The following PRKN variants were observed in gnomAD, a reference collection of about 807,000 sequenced individuals.
PRKN encodes the protein parkin RBR E3 ubiquitin protein ligase.
A neutral mutation model predicts 59.5 loss-of-function variants in PRKN; 56 were observed. The observed-to-expected ratio is 0.94, with a 90% confidence interval of 0.76 to 1.18. The LOEUF is 1.18. Among genes scored for constraint, PRKN ranks in the 50% most tolerant of loss-of-function variants. PRKN has a pLI of 0.00. For synonymous variants in PRKN, 250 were observed against 222.1 expected, an observed-to-expected ratio of 1.13 and a Z score of -1.12; for missense variants, 657 against 596.4, an observed-to-expected ratio of 1.10 and a Z score of -1.06.
In PRKN at chr6:161,472,568, C is replaced by A. The variant is rs140698630; in HGVS notation, c.1083+76286G>T. ...AAATCATAACATTCCTAGTAGAAAA[C>A]ACAGGGAAACCCCATCGCCTTGGCA... On this transcript the variant is annotated intron_variant, in intron 9 of 11. Transcript: ENST00000366898. Among the ~76,000 whole-genome samples, 830 of 152,106 alleles carry A rather than the reference C, an allele frequency of 5.5e-3. 11 individuals carry two copies. The highest frequency in any genetic ancestry group is 0.019 in the African/African-American group (791 of 41,512).
At chr6:162,025,644 A>G (rs1185315551) in intron 5 of PRKN, among the ~76,000 whole-genome samples, 1 of 120,248 alleles carries the variant, frequency 8.3e-6, no homozygotes, top group Non-Finnish European at 1.6e-5. Context: ...GCTGGAGTAC[A>G]GTGCCACGAT....
At chr6:162,254,176 C>T (rs192649165) in intron 3 of PRKN, among the ~76,000 whole-genome samples, 15 of 152,126 alleles carry the variant, frequency 9.9e-5, no homozygotes, top group Admixed American at 2.6e-4. Context: ...TCCAAAAAGA[C>T]GGGCTGGGCA....
At chr6:162,279,147 A>G (rs1267154480) in intron 2 of PRKN, among the ~76,000 whole-genome samples, 1 of 151,906 alleles carries the variant, frequency 6.6e-6, no homozygotes. Flanking sequence ...CCTGGCCAAC[A>G]TGGTGAAACC....
intron 2 of PRKN, among the ~76,000 whole-genome samples, chr6:162,339,060 C>A (rs371349881): frequency 1.4e-5 from 2 of 139,410 alleles, no homozygotes; most frequent in Admixed American, 6.9e-5. Context: ...GCCCGGCAGC[C>A]GCCCCGTCTG....
At chr6:161,832,179 C>T (rs1792526562) in intron 6 of PRKN, among the ~76,000 whole-genome samples, 1 of 152,170 alleles carries the variant, frequency 6.6e-6, no homozygotes. Context: ...AAGAGAAATG[C>T]AAATGTATAT....
At position 161,499,949 on chromosome 6, in the gene PRKN, G is replaced by A. The variant is rs183507361; in HGVS notation, c.1083+48905C>T. ...TTACAGATAAACTGAACACCAAGTT[G>A]TCTTCTGAATGCTGCCCTCACTCTC... On this transcript the variant is annotated intron_variant, in intron 9 of 11. Transcript: ENST00000366898. This position sits in a 1 kb window ranked among gnomAD's most constrained non-coding sequence, Gnocchi z 4.2. Among the ~76,000 whole-genome samples, 635 of 152,282 alleles carry A rather than the reference G, an allele frequency of 4.2e-3. 5 individuals carry two copies. Among genetic ancestry groups the A allele is most frequent in the Non-Finnish European group, 5.7e-3 (388 of 68,020 alleles).
chr6:162,084,078 G>A (rs1779162974), intron 4 of PRKN, among the ~76,000 whole-genome samples: 1 of 151,972 alleles, frequency 6.6e-6, no homozygotes, highest in Non-Finnish European at 1.5e-5. Flanking sequence ...TGTTGATTTA[G>A]TTTTTGACAG....
chr6:161,713,958 T>C (rs967252834), intron 7 of PRKN, among the ~76,000 whole-genome samples: 7 of 152,152 alleles, frequency 4.6e-5, no homozygotes, highest in Non-Finnish European at 7.4e-5. Flanking sequence ...CCATGAAAGA[T>C]ATGTCTTTGC....
intron 1 of PRKN, among the ~76,000 whole-genome samples, chr6:162,681,621 C>T (rs1779770875): frequency 6.6e-6 from 1 of 152,142 alleles, no homozygotes; most frequent in Admixed American, 6.5e-5. Context: ...TGGGCCAAGC[C>T]TTCATTTGCA....
intron 7 of PRKN, among the ~76,000 whole-genome samples, chr6:161,638,193 C>T (rs1783599436): frequency 6.6e-6 from 1 of 151,842 alleles, no homozygotes; most frequent in Non-Finnish European, 1.5e-5. Flanking sequence ...AGTGCAGTGG[C>T]ACGATCTCAG....
chr6:161,565,470 G>T (rs117854466), intron 8 of PRKN, among the ~76,000 whole-genome samples: 2,184 of 152,236 alleles, frequency 0.014, 34 homozygotes, highest in Non-Finnish European at 0.023. Flanking sequence ...GAAGTGATTG[G>T]ATCATGGGGA....
intron 4 of PRKN, among the ~76,000 whole-genome samples, chr6:162,070,812 C>T (rs1428856879): frequency 1.3e-5 from 2 of 152,210 alleles, no homozygotes; most frequent in Non-Finnish European, 2.9e-5. Context: ...AGGTGGAGCT[C>T]GGGCTGTAAT....
At chr6:162,108,775 C>T (rs62436047) in intron 4 of PRKN, among the ~76,000 whole-genome samples, 1,560 of 152,204 alleles carry the variant, frequency 0.01, 14 homozygotes, top group Middle Eastern at 0.031. Flanking sequence ...TAGGATGGTG[C>T]TGAGTAGGAC....
Position 161,409,863 on chromosome 6 carries a change from T to C in PRKN, c.1084-22986A>G, listed in dbSNP as rs764578495. On this transcript the variant is annotated intron_variant, in intron 9 of 11. Transcript: ENST00000366898. This position sits in a 1 kb window ranked among gnomAD's most constrained non-coding sequence, Gnocchi z 4.6. Reference sequence around the variant, plus strand: ...GATCAATAGAACTGTGATGTATCTATATAAATCTGAGTAGCAGATCCATTC... The same window carrying C: ...GATCAATAGAACTGTGATGTATCTACATAAATCTGAGTAGCAGATCCATTC... 1.3e-5 allele frequency among the ~76,000 whole-genome samples: 2 copies of C among 152,308 alleles called. No individual in the cohort carries two copies. The highest frequency in any genetic ancestry group is 3.9e-4 in the East Asian group (2 of 5,178).
chr6:161,730,141 G>GATTCTTTCTGATGTGTTGC (rs1431002622), intron 7 of PRKN, among the ~76,000 whole-genome samples: 4 of 145,664 alleles, frequency 2.7e-5, no homozygotes, highest in Non-Finnish European at 4.5e-5. Flanking sequence ...TGATGTGTTG[G>GATTCTTTCTGATGTGTTGC]ATTCTTTCTG....
At chr6:162,028,435 G>T (rs1239279547) in intron 5 of PRKN, among the ~76,000 whole-genome samples, 1 of 152,200 alleles carries the variant, frequency 6.6e-6, no homozygotes, top group Non-Finnish European at 1.5e-5. Context: ...AGCTGCAGGT[G>T]CATCTTTGCT....
rs191287894 is a variant in PRKN at position 161,872,161 on chromosome 6, G to C, written c.735-86253C>G. Among the ~76,000 whole-genome samples the C allele has an allele frequency of 3.3e-5, 5 of 152,222 alleles. No homozygotes were observed. The East Asian group carries it at 5.8e-4, about 18-fold the overall frequency. The stretch of plus-strand genomic sequence containing the variant: ...GCGATAAGATGCTATGGAAGGGTAA[G>C]TGCATGAGGAACTACACAGCAGGAT... On this transcript the variant is annotated intron_variant, in intron 6 of 11. Transcript: ENST00000366898.
chr6:161,496,461 G>A (rs1035514061), intron 9 of PRKN, among the ~76,000 whole-genome samples: 4 of 152,218 alleles, frequency 2.6e-5, no homozygotes, highest in Non-Finnish European at 4.4e-5. Flanking sequence ...CACATGGCTG[G>A]GGAGGCCTCA....
chr6:161,985,044 C>G lies in PRKN; in HGVS notation c.619-11627G>C, dbSNP rs80057069. 3.9e-5 allele frequency among the ~76,000 whole-genome samples: 6 copies of G among 152,210 alleles called. No homozygotes were observed. The South Asian group carries it at 1.0e-3, about 26-fold the overall frequency. ...ACTAGTGGCTCTGGTGTGGTACCAG[C>G]TTCCCCTGCATTTCTCTCCCAATTC... On this transcript the variant is annotated intron_variant, in intron 5 of 11. Coordinates refer to ENST00000366898, the MANE Select transcript of PRKN (RefSeq NM_004562.3).
Sources: gnomAD v4.1 joint callset for allele counts (sites outside exome capture counted in the v4.1 genomes callset) on GRCh38, gnomAD v4.1.1 for gene constraint, Gnocchi (gnomAD v3.1) non-coding constraint, MANE v1.5 for transcripts, NCBI Gene and HGNC (gene_info 2026-07-23, HGNC 2026-07-21) for gene names.